LRP1B: variants seen among roughly 807,000 people sequenced by gnomAD.
LRP1B encodes low-density lipoprotein receptor-related protein 1B.
Under a neutral mutation model 556.6 loss-of-function variants are expected in LRP1B, and 217 were observed. The ratio of observed to expected loss-of-function variants is 0.39; its 90% confidence interval spans 0.35 to 0.44. LRP1B has a LOEUF of 0.44. LRP1B is among the 20% of genes least tolerant of loss of function. The probability of loss-of-function intolerance (pLI) is 1.00; values close to 1 mark genes in which losing one functional copy is unlikely to be tolerated. For synonymous variants in LRP1B, 2,047 were observed against 1,865.8 expected, an observed-to-expected ratio of 1.10 and a Z score of -2.50; for missense variants, 5,053 against 5,620.8, an observed-to-expected ratio of 0.90 and a Z score of 3.23.
intron 31 of LRP1B, among the ~76,000 whole-genome samples, chr2:140,827,030 G>A (rs1188456398): frequency 6.6e-6 from 1 of 152,082 alleles, no homozygotes; most frequent in Non-Finnish European, 1.5e-5. Flanking sequence ...GAAGTGTTCT[G>A]AACACCTGTG....
At chr2:141,055,855 G>A (rs1374089537) in intron 9 of LRP1B, among the ~76,000 whole-genome samples, 3 of 149,840 alleles carry the variant, frequency 2.0e-5, no homozygotes, top group African/African-American at 7.4e-5. Flanking sequence ...AAATGGTGGA[G>A]GCTGAGTATA....
intron 7 of LRP1B, among the ~76,000 whole-genome samples, chr2:141,064,402 C>T (rs1005329429): frequency 6.6e-6 from 1 of 151,812 alleles, no homozygotes; most frequent in Non-Finnish European, 1.5e-5. Flanking sequence ...ATTTTTCATT[C>T]TTTTTGACCT....
At chr2:140,690,400 T>C (rs1686196259) in intron 41 of LRP1B, among the ~76,000 whole-genome samples, 1 of 151,852 alleles carries the variant, frequency 6.6e-6, no homozygotes, top group Non-Finnish European at 1.5e-5. Context: ...TTTTTTTCAA[T>C]GAATGGCTCC....
intron 1 of LRP1B, among the ~76,000 whole-genome samples, chr2:141,959,184 A>T (rs555077451): frequency 6.6e-6 from 1 of 152,124 alleles, no homozygotes; most frequent in South Asian, 2.1e-4. Context: ...GCTCTTGTTT[A>T]GGATAGCAGA....
chr2:140,937,510 C>T (rs1267741994), intron 20 of LRP1B, among the ~76,000 whole-genome samples: 1 of 151,988 alleles, frequency 6.6e-6, no homozygotes, highest in East Asian at 1.9e-4. Context: ...GACAAGATTT[C>T]TAGGTATGAA....
At chr2:140,663,794 A>T (rs868083843) in intron 41 of LRP1B, among the ~76,000 whole-genome samples, 1 of 152,216 alleles carries the variant, frequency 6.6e-6, no homozygotes, top group Non-Finnish European at 1.5e-5. Context: ...TGGCACAAGG[A>T]GCCTGAAATC....
intron 41 of LRP1B, among the ~76,000 whole-genome samples, chr2:140,633,850 C>G (rs1442451861): frequency 6.6e-6 from 1 of 152,136 alleles, no homozygotes; most frequent in Non-Finnish European, 1.5e-5. Context: ...AGGAGTATCA[C>G]TGGTGAATTC....
Position 140,639,810 on chromosome 2 carries a change from C to T in LRP1B, c.6800-38171G>A, listed in dbSNP as rs182518743. Among the ~76,000 whole-genome samples, 177 of 152,198 alleles carry T rather than the reference C, an allele frequency of 1.2e-3. 1 individual carries two copies. The highest frequency in any genetic ancestry group is 3.6e-3 in the African/African-American group (149 of 41,544). ...CCAAGATGGTCTGTCTCCCAGTCGCCGTTCTGACCTAATCAACTCTCACTT... is the reference window on the plus strand; with the variant it reads ...CCAAGATGGTCTGTCTCCCAGTCGCTGTTCTGACCTAATCAACTCTCACTT... On this transcript the variant is annotated intron_variant, in intron 41 of 90. Transcript: ENST00000389484.
chr2:141,301,641 A>G (rs1686399621), intron 3 of LRP1B, among the ~76,000 whole-genome samples: 1 of 152,194 alleles, frequency 6.6e-6, no homozygotes, highest in Admixed American at 6.5e-5. Flanking sequence ...CCACTACCAG[A>G]ATATAAGTGG....
chr2:140,627,483 A>G (rs1683706255), intron 41 of LRP1B, among the ~76,000 whole-genome samples: 2 of 152,256 alleles, frequency 1.3e-5, no homozygotes, highest in Non-Finnish European at 2.9e-5. Context: ...TTGGACCTAC[A>G]CCAGTGGTTT....
intron 1 of LRP1B, among the ~76,000 whole-genome samples, chr2:141,813,606 A>C (rs1458335340): frequency 6.6e-6 from 1 of 151,912 alleles, no homozygotes. Context: ...AAACAAACAA[A>C]AAACAGGATG....
chr2:141,008,133 T>G (rs1525592), intron 14 of LRP1B, among the ~76,000 whole-genome samples: 48,520 of 151,042 alleles, frequency 0.32, 7,962 homozygotes, highest in East Asian at 0.58. Flanking sequence ...TTAAAACATG[T>G]TTAAGTAACT....
At chr2:140,890,927 T>C (rs553150862) in intron 23 of LRP1B, among the ~76,000 whole-genome samples, 13 of 152,250 alleles carry the variant, frequency 8.5e-5, no homozygotes, top group African/African-American at 3.1e-4. Context: ...ACATCTTTTG[T>C]GGCAACTCAA....
At chr2:140,326,853 AAAT>A (rs1336763894) in intron 79 of LRP1B, among the ~76,000 whole-genome samples, 4 of 152,130 alleles carry the variant, frequency 2.6e-5, no homozygotes, top group African/African-American at 7.2e-5. Context: ...TACACAGTAA[AAAT>A]AATATTTTTC....
intron 35 of LRP1B, among the ~76,000 whole-genome samples, chr2:140,725,163 A>C (rs952928169): frequency 1.2e-4 from 19 of 152,162 alleles, no homozygotes; most frequent in African/African-American, 4.3e-4. Context: ...AGTTAACACT[A>C]ATCCAAACCA....
At chr2:141,911,749 A>G (rs570760346) in intron 1 of LRP1B, among the ~76,000 whole-genome samples, 19 of 152,118 alleles carry the variant, frequency 1.2e-4, no homozygotes, top group Admixed American at 1.0e-3. Flanking sequence ...CTCTCTGGGC[A>G]TTTTCTTTAC....
At chr2:141,407,791 T>G (rs1237934261) in intron 3 of LRP1B, among the ~76,000 whole-genome samples, 1 of 152,168 alleles carries the variant, frequency 6.6e-6, no homozygotes, top group Non-Finnish European at 1.5e-5. Context: ...TATAAATCAC[T>G]CAGCCTCAGA....
At chr2:140,308,222 A>C (rs1427996305) in intron 83 of LRP1B, among the ~76,000 whole-genome samples, 1 of 151,824 alleles carries the variant, frequency 6.6e-6, no homozygotes, top group Non-Finnish European at 1.5e-5. Flanking sequence ...TTTATTTGAT[A>C]AACTGTTCTT....
chr2:140,269,617 C>A (rs1203975019), intron 86 of LRP1B, among the ~76,000 whole-genome samples: 1 of 151,954 alleles, frequency 6.6e-6, no homozygotes, highest in Non-Finnish European at 1.5e-5. Flanking sequence ...AAACTCACAA[C>A]AGTGACCATG....
Sources: allele counts gnomAD v4.1 joint callset (sites outside exome capture counted in the v4.1 genomes callset), GRCh38; gene constraint gnomAD v4.1.1; transcripts MANE v1.5; gene names NCBI Gene and HGNC (gene_info 2026-07-23, HGNC 2026-07-21).